CRYL1: variants seen among roughly 807,000 people sequenced by gnomAD.
CRYL1 encodes the protein lambda-crystallin homolog.
In CRYL1, 29 loss-of-function variants were observed where a neutral mutation model predicts 36.6. That is an observed-to-expected ratio of 0.79 (90% CI 0.59 to 1.08). The LOEUF (loss-of-function observed/expected upper bound fraction) is 1.08, where lower values mean the gene tolerates loss of function less well. Among genes scored for constraint, CRYL1 ranks in the 50% least tolerant of loss-of-function variants. The probability of loss-of-function intolerance (pLI) is 0.00; values close to 1 mark genes in which losing one functional copy is unlikely to be tolerated. For missense variants in CRYL1, 411 were observed against 407.9 expected (o/e 1.01, Z -0.06); for synonymous variants, 152 against 151.5 (o/e 1.00, Z -0.02).
chr13:20,439,523 A>AAAAAG, intron 4 of CRYL1, 70 bp downstream of exon 4: 7 of 987,796 alleles, frequency 7.1e-6, no homozygotes, highest in East Asian at 6.7e-5. Flanking sequence ...GCAAAAAAAA[A>AAAAAG]AAAAAAAGAA....
chr13:20,474,308 A>G (rs893968002), intron 3 of CRYL1, among the ~76,000 whole-genome samples: 2 of 152,224 alleles, frequency 1.3e-5, no homozygotes, highest in Non-Finnish European at 2.9e-5. Context: ...CGCCGGCAGC[A>G]GGCAGCTCTC....
chr13:20,499,305 C>T (rs922746935), intron 2 of CRYL1, among the ~76,000 whole-genome samples: 1 of 144,476 alleles, frequency 6.9e-6, no homozygotes, highest in Non-Finnish European at 1.5e-5. Context: ...AAGATCGCAT[C>T]AGTGCACTCC....
chr13:20,488,679 G>A (rs1402727110), intron 3 of CRYL1, among the ~76,000 whole-genome samples: 4 of 152,218 alleles, frequency 2.6e-5, no homozygotes, highest in African/African-American at 9.6e-5. Flanking sequence ...GACTCTTTTA[G>A]CTTTAGGTAA....
chr13:20,409,256 T>C (rs528480812), intron 6 of CRYL1, among the ~76,000 whole-genome samples: 1,947 of 147,198 alleles, frequency 0.013, 46 homozygotes, highest in African/African-American at 0.046. Context: ...GGGAACGGAT[T>C]CCCTATTTAA....
intron 3 of CRYL1, among the ~76,000 whole-genome samples, chr13:20,478,451 T>A (rs2033208373): frequency 6.6e-6 from 1 of 152,128 alleles, no homozygotes; most frequent in Non-Finnish European, 1.5e-5. Context: ...CCAAAAGAGC[T>A]CTGTACAGTC....
At chr13:20,503,061 C>T (rs2033731948) in intron 2 of CRYL1, among the ~76,000 whole-genome samples, 1 of 152,136 alleles carries the variant, frequency 6.6e-6, no homozygotes, top group South Asian at 2.1e-4. Flanking sequence ...ATCCTGCCGC[C>T]CAGAGTCAAA....
chr13:20,464,638 C>G (rs2032896075), intron 3 of CRYL1, among the ~76,000 whole-genome samples: 1 of 152,072 alleles, frequency 6.6e-6, no homozygotes, highest in Non-Finnish European at 1.5e-5. Flanking sequence ...AACTTTTGGC[C>G]ATCTTAATAG....
intron 6 of CRYL1, among the ~76,000 whole-genome samples, chr13:20,413,003 C>G (rs1188429222): frequency 6.6e-6 from 1 of 152,206 alleles, no homozygotes; most frequent in African/African-American, 2.4e-5. Flanking sequence ...GGGTGACATG[C>G]TGCGAAGTTT....
chr13:20,508,863 A>AAAAAC (rs2033855446), intron 2 of CRYL1, among the ~76,000 whole-genome samples: 1 of 55,276 alleles, frequency 1.8e-5, no homozygotes, highest in African/African-American at 7.3e-5. Context: ...AAAAAAAAAA[A>AAAAAC]AAAAAAAAAA....
chr13:20,430,109 C>T, intron 5 of CRYL1: 3 of 773,594 alleles, frequency 3.9e-6, no homozygotes, highest in Non-Finnish European at 4.7e-6. Flanking sequence ...TAGTGCCATT[C>T]CCACCCCACC....
intron 3 of CRYL1, among the ~76,000 whole-genome samples, chr13:20,463,899 A>G (rs2032881861): frequency 6.6e-6 from 1 of 151,260 alleles, no homozygotes; most frequent in African/African-American, 2.4e-5. Flanking sequence ...ACGTCCATGC[A>G]GAGGAGAACC....
chr13:20,452,266 A>C (rs564039309), intron 3 of CRYL1, among the ~76,000 whole-genome samples: 1 of 150,080 alleles, frequency 6.7e-6, no homozygotes, highest in South Asian at 2.1e-4. Context: ...AGCAAAACCC[A>C]ACCCAACTCT....
chr13:20,407,948 T>C (rs1193418515), intron 6 of CRYL1, among the ~76,000 whole-genome samples: 2 of 152,172 alleles, frequency 1.3e-5, no homozygotes, highest in Non-Finnish European at 2.9e-5. Flanking sequence ...CCACAGCCAC[T>C]AGGAGGGATT....
rs568008949 is a variant in CRYL1, at chr13:20,470,634, C to G, written c.276+18736G>C. Among the ~76,000 whole-genome samples the G allele has an allele frequency of 3.3e-5, 5 of 152,116 alleles. No individual in the cohort carries two copies. In the East Asian group the frequency reaches 9.6e-4, roughly 29 times the overall value. ...CTATAAAAACCATGACCCGGCCAGG[C>G]GCGGTGGCTCACACCTGTGATCCCA... is the stretch of plus-strand genomic sequence containing the variant. On this transcript the variant is annotated intron_variant, in intron 3 of 7. Transcript: ENST00000298248.
chr13:20,439,517 AAAAAAAAAAAAAAG>A, intron 4 of CRYL1, 62 bp downstream of exon 4: 5 of 468,078 alleles, frequency 1.1e-5, no homozygotes, highest in South Asian at 4.3e-5. Context: ...TCCCCCGCAA[AAAAAAAAAAAAAAG>A]AAAAAAAAAA....
chr13:20,441,959 T>C (rs2032359559), intron 3 of CRYL1, among the ~76,000 whole-genome samples: 1 of 152,164 alleles, frequency 6.6e-6, no homozygotes, highest in African/African-American at 2.4e-5. Context: ...ATTTAAGAAC[T>C]GTAAAGCCCA....
intron 6 of CRYL1, among the ~76,000 whole-genome samples, chr13:20,406,626 T>C (rs1427941657): frequency 2.0e-5 from 3 of 152,170 alleles, no homozygotes; most frequent in Non-Finnish European, 4.4e-5. Flanking sequence ...ACACATTTAT[T>C]TCATTTGGGA....
chr13:20,412,605 C>T (rs2031552525), intron 6 of CRYL1, among the ~76,000 whole-genome samples: 2 of 152,182 alleles, frequency 1.3e-5, no homozygotes. Flanking sequence ...TATCAAATGA[C>T]ATTTTCTTTT....
At chr13:20,482,286 C>G (rs983918389) in intron 3 of CRYL1, among the ~76,000 whole-genome samples, 7 of 152,168 alleles carry the variant, frequency 4.6e-5, no homozygotes, top group Admixed American at 4.6e-4. Flanking sequence ...GCAGATTGTT[C>G]TGACTTTGTG....
Sources: allele counts gnomAD v4.1 joint callset (sites outside exome capture counted in the v4.1 genomes callset), GRCh38; gene constraint gnomAD v4.1.1; transcripts MANE v1.5; gene names NCBI Gene and HGNC (gene_info 2026-07-23, HGNC 2026-07-21).